Variants in DACH1 observed in about 807,000 individuals in gnomAD.
The protein encoded by DACH1 is dachshund family transcription factor 1.
In DACH1, 12 loss-of-function variants were observed where a neutral mutation model predicts 54.2. That is an observed-to-expected ratio of 0.22 (90% CI 0.14 to 0.36). The LOEUF is 0.36. DACH1 is among the 10% of genes least tolerant of loss of function. The pLI is 1.00. For missense variants in DACH1, 805 were observed against 929.8 expected (o/e 0.87, Z 1.75); for synonymous variants, 386 against 366.2 (o/e 1.05, Z -0.62).
At chr13:71,451,066 A>G (rs1875004597) in intron 10 of DACH1, among the ~76,000 whole-genome samples, 1 of 152,192 alleles carries the variant, frequency 6.6e-6, no homozygotes, top group East Asian at 1.9e-4. Flanking sequence ...AATCATCATC[A>G]TCATCGTCAA....
chr13:71,640,219 T>A (rs1877796476), intron 2 of DACH1, among the ~76,000 whole-genome samples: 1 of 152,008 alleles, frequency 6.6e-6, no homozygotes, highest in African/African-American at 2.4e-5. Flanking sequence ...TCTAGTAGCT[T>A]ATGGATTGTA....
chr13:71,640,161 G>C (rs754880296), intron 2 of DACH1, among the ~76,000 whole-genome samples: 2 of 151,978 alleles, frequency 1.3e-5, no homozygotes, highest in Non-Finnish European at 2.9e-5. Flanking sequence ...GAAAAGTACA[G>C]AAGACAGTAA....
At chr13:71,783,678 AGGAG>A (rs1407714346) in intron 1 of DACH1, among the ~76,000 whole-genome samples, 2 of 152,092 alleles carry the variant, frequency 1.3e-5, no homozygotes, top group Non-Finnish European at 2.9e-5. Context: ...GAGTCTTAAG[AGGAG>A]TGATTGAAAT....
intron 2 of DACH1, among the ~76,000 whole-genome samples, chr13:71,650,687 A>C (rs1280113962): frequency 6.6e-6 from 1 of 152,160 alleles, no homozygotes; most frequent in African/African-American, 2.4e-5. Context: ...AAGAGACTCT[A>C]AACTCTATTT....
chr13:71,626,879 G>A (rs957477329), intron 3 of DACH1, among the ~76,000 whole-genome samples: 3 of 151,826 alleles, frequency 2.0e-5, no homozygotes, highest in Admixed American at 2.0e-4. Flanking sequence ...GAACTGACAG[G>A]TCACCTTCAG....
intron 1 of DACH1, among the ~76,000 whole-genome samples, chr13:71,702,070 G>A (rs1338732333): frequency 1.3e-5 from 2 of 151,988 alleles, no homozygotes; most frequent in African/African-American, 2.4e-5. Flanking sequence ...TATATAAAAT[G>A]ATGCAAAATC....
intron 1 of DACH1, among the ~76,000 whole-genome samples, chr13:71,838,015 G>GA (rs1888865551): frequency 1.9e-5 from 1 of 52,204 alleles, no homozygotes; most frequent in Non-Finnish European, 3.4e-5. Flanking sequence ...GGGGAGGGGG[G>GA]AGGGGGGAGG....
chr13:71,490,055 T>A (rs1219734702), intron 6 of DACH1, among the ~76,000 whole-genome samples: 1 of 152,140 alleles, frequency 6.6e-6, no homozygotes, highest in Admixed American at 6.6e-5. Flanking sequence ...TTTTAGTTTA[T>A]CATAATCACA....
chr13:71,802,429 A>G (rs1424161039), intron 1 of DACH1, among the ~76,000 whole-genome samples: 1 of 152,048 alleles, frequency 6.6e-6, no homozygotes, highest in Admixed American at 6.6e-5. Context: ...AATATAAATA[A>G]AGCATATTTA....
intron 1 of DACH1, among the ~76,000 whole-genome samples, chr13:71,815,190 C>G (rs1251638688): frequency 6.6e-6 from 1 of 152,146 alleles, no homozygotes; most frequent in Non-Finnish European, 1.5e-5. Flanking sequence ...TTTAATTACA[C>G]TTTGTATAAC....
chr13:71,606,170 T>C (rs1395819726), intron 3 of DACH1, among the ~76,000 whole-genome samples: 1 of 152,086 alleles, frequency 6.6e-6, no homozygotes, highest in Non-Finnish European at 1.5e-5. Flanking sequence ...TAACTATATA[T>C]TGAATGTATA....
intron 1 of DACH1, among the ~76,000 whole-genome samples, chr13:71,811,902 A>G (rs948144900): frequency 1.3e-5 from 2 of 152,180 alleles, no homozygotes; most frequent in African/African-American, 4.8e-5. Context: ...TATCTTATGT[A>G]TTTATAAGTT....
At chr13:71,708,589 G>A (rs1882556462) in intron 1 of DACH1, among the ~76,000 whole-genome samples, 1 of 151,870 alleles carries the variant, frequency 6.6e-6, no homozygotes, top group Admixed American at 6.6e-5. Flanking sequence ...TTATGAAACT[G>A]AAGAATATAT....
intron 4 of DACH1, among the ~76,000 whole-genome samples, chr13:71,569,682 A>G (rs564728031): frequency 2.0e-5 from 3 of 152,194 alleles, no homozygotes; most frequent in African/African-American, 7.2e-5. Context: ...TTTAAAATAT[A>G]TAACTCTGAA....
chr13:71,857,235 C>T (rs9572815), intron 1 of DACH1, among the ~76,000 whole-genome samples: 14,089 of 151,576 alleles, frequency 0.093, 1,368 homozygotes, highest in East Asian at 0.56. Context: ...TCCTAATAAC[C>T]ATATAGCCTT....
chr13:71,562,434 GACAA>G (rs1321721278), intron 4 of DACH1, among the ~76,000 whole-genome samples: 2 of 152,022 alleles, frequency 1.3e-5, no homozygotes, highest in African/African-American at 4.8e-5. Context: ...GGGGGACAAA[GACAA>G]ACATACATCC....
intron 1 of DACH1, among the ~76,000 whole-genome samples, chr13:71,716,014 C>T (rs1267607381): frequency 6.6e-6 from 1 of 152,022 alleles, no homozygotes; most frequent in Admixed American, 6.6e-5. Flanking sequence ...CTGATGTAAA[C>T]TTCTTATCTT....
At chr13:71,672,927 A>C (rs79141421) in intron 2 of DACH1, among the ~76,000 whole-genome samples, 157 of 152,336 alleles carry the variant, frequency 1.0e-3, no homozygotes, top group African/African-American at 3.7e-3. Flanking sequence ...TCTTAATGTA[A>C]GTAAACTTCT....
At position 71,748,962 on chromosome 13, in the gene DACH1, T is replaced by TTC. The variant is rs777988022; in HGVS notation, c.849-67054_849-67053dup. Among the ~76,000 whole-genome samples the TTC allele has an allele frequency of 3.3e-4, 22 of 67,064 alleles. 1 individual carries two copies. Among genetic ancestry groups the TTC allele is most frequent in the Admixed American group, 9.2e-4 (6 of 6,518 alleles). The allele number at this position is 67,064 out of a possible 152,430, so 44.0% of individuals were successfully genotyped here. A position where few individuals can be genotyped will look rare whatever the true frequency, so the allele number is the denominator to read the frequency against. On this transcript the variant is annotated intron_variant, in intron 1 of 10. Transcript: ENST00000613252. Reference sequence around the variant, plus strand: ...TTTCTTTCTTTCTTTCTCTCTTTCTTTCTCTCTCTCTCTTTCTTCTTTCCT... The same window carrying TTC: ...TTTCTTTCTTTCTTTCTCTCTTTCTTTCTCTCTCTCTCTCTTTCTTCTTTCCT...
Sources: allele counts gnomAD v4.1 joint callset (sites outside exome capture counted in the v4.1 genomes callset), GRCh38; gene constraint gnomAD v4.1.1; transcripts MANE v1.5; gene names NCBI Gene and HGNC (gene_info 2026-07-23, HGNC 2026-07-21).